Variants in BNC2 observed in about 807,000 individuals in gnomAD.
BNC2 encodes the protein basonuclin zinc finger protein 2.
In BNC2, 20 loss-of-function variants were observed where a neutral mutation model predicts 76.3. The ratio of observed to expected loss-of-function variants is 0.26; its 90% CI spans 0.18 to 0.38. The LOEUF (loss-of-function observed/expected upper bound fraction) is 0.38. Among genes scored for constraint, BNC2 ranks in the 10% least tolerant of loss-of-function variants. The pLI, the probability that BNC2 is intolerant of heterozygous loss-of-function variation, is 1.00. For missense variants in BNC2, 1,382 were observed against 1,399.8 expected, an observed-to-expected ratio of 0.99 and a Z score of 0.20; for synonymous variants, 582 against 514.8, an observed-to-expected ratio of 1.13 and a Z score of -1.77.
chr9:16,502,819 G>A (rs1822548787), intron 5 of BNC2, among the ~76,000 whole-genome samples: 2 of 152,292 alleles, frequency 1.3e-5, no homozygotes, highest in Middle Eastern at 3.4e-3. Flanking sequence ...TTGGTATACA[G>A]GCTTTTACTT....
At chr9:16,855,742 G>C (rs1396055155) in intron 1 of BNC2, among the ~76,000 whole-genome samples, 2 of 151,240 alleles carry the variant, frequency 1.3e-5, no homozygotes, top group Non-Finnish European at 2.9e-5. Flanking sequence ...TAGAGACGGG[G>C]TTTCACCATG....
chr9:16,409,814 T>C lies in BNC2; in HGVS notation c.*9175A>G, dbSNP rs1045436947. On this transcript the variant is annotated 3_prime_UTR_variant, in exon 7 of 7. Coordinates refer to ENST00000380672, the MANE Select transcript of BNC2 (RefSeq NM_017637.6). ...CAACGTCACAATGATTAGATCAGGG[T>C]GATGCACACTGTCCCATCCCTTGGT... The C allele has an allele frequency of 2.6e-5, 4 of 152,574 alleles. No individual in the cohort carries two copies. The highest frequency in any genetic ancestry group is 6.5e-5 in the Admixed American group (1 of 15,272). The allele number at this position is 152,574 out of a possible 1,614,324, so 9.5% of individuals were successfully genotyped here.
At chr9:16,740,091 G>T (rs1028508609) in intron 1 of BNC2, among the ~76,000 whole-genome samples, 2 of 152,192 alleles carry the variant, frequency 1.3e-5, no homozygotes, top group Non-Finnish European at 2.9e-5. Context: ...AAGGAACAGC[G>T]TTAACAGGAG....
intron 5 of BNC2, among the ~76,000 whole-genome samples, chr9:16,491,935 C>T (rs1822287865): frequency 6.6e-6 from 1 of 152,210 alleles, no homozygotes; most frequent in Non-Finnish European, 1.5e-5. Context: ...GGTATGCTCA[C>T]ATACTTCCGC....
intron 5 of BNC2, among the ~76,000 whole-genome samples, chr9:16,505,915 A>G (rs145036666): frequency 2.5e-4 from 38 of 152,276 alleles, no homozygotes; most frequent in African/African-American, 9.1e-4. Context: ...CATTAACCAC[A>G]TTTACAATCT....
At chr9:16,856,759 A>G (rs1252940762) in intron 1 of BNC2, among the ~76,000 whole-genome samples, 2 of 152,192 alleles carry the variant, frequency 1.3e-5, no homozygotes, top group African/African-American at 2.4e-5. Context: ...TTTCTTTTAA[A>G]TCACCATTTT....
intron 1 of BNC2, among the ~76,000 whole-genome samples, chr9:16,864,021 CTCT>C (rs1307617830): frequency 6.6e-6 from 1 of 152,152 alleles, no homozygotes; most frequent in East Asian, 1.9e-4. Context: ...AAAGGTAATT[CTCT>C]TCATCTCTAA....
chr9:16,467,465 A>T (rs1184010748), intron 5 of BNC2, among the ~76,000 whole-genome samples: 1 of 138,656 alleles, frequency 7.2e-6, no homozygotes, highest in Non-Finnish European at 1.5e-5. Flanking sequence ...GGATTAAGAA[A>T]ATGTGGCACA....
intron 5 of BNC2, among the ~76,000 whole-genome samples, chr9:16,457,149 C>T (rs1439066054): frequency 6.6e-6 from 1 of 151,900 alleles, no homozygotes; most frequent in Non-Finnish European, 1.5e-5. Context: ...CATTATATTC[C>T]AAAAATATTC....
intron 3 of BNC2, among the ~76,000 whole-genome samples, chr9:16,702,107 G>A (rs935497621): frequency 6.6e-6 from 1 of 152,144 alleles, no homozygotes; most frequent in African/African-American, 2.4e-5. Context: ...TAGGCATTCT[G>A]CAAGATTCTA....
chr9:16,721,298 G>A (rs1297921511), intron 3 of BNC2, among the ~76,000 whole-genome samples: 1 of 152,046 alleles, frequency 6.6e-6, no homozygotes, highest in Non-Finnish European at 1.5e-5. Flanking sequence ...AAAGGCTGTT[G>A]TTCCTGAATT....
intron 1 of BNC2, among the ~76,000 whole-genome samples, chr9:16,859,065 A>T (rs1239735061): frequency 2.0e-5 from 3 of 152,166 alleles, no homozygotes; most frequent in Non-Finnish European, 1.5e-5. Flanking sequence ...GTCCACAAAG[A>T]GGACATATAC....
intron 5 of BNC2, among the ~76,000 whole-genome samples, chr9:16,443,060 C>A: frequency 8.3e-6 from 1 of 120,492 alleles, no homozygotes; most frequent in Non-Finnish European, 1.6e-5. Context: ...GAGTGAGACT[C>A]TGTCAAAAAA....
intron 1 of BNC2, among the ~76,000 whole-genome samples, chr9:16,757,422 C>T (rs1025971388): frequency 6.6e-6 from 1 of 152,174 alleles, no homozygotes; most frequent in East Asian, 1.9e-4. Flanking sequence ...CAGAGATAAA[C>T]TCACTCATGC....
At chr9:16,866,895 C>T (rs368315559) in intron 1 of BNC2, among the ~76,000 whole-genome samples, 26 of 152,216 alleles carry the variant, frequency 1.7e-4, no homozygotes, top group South Asian at 6.2e-4. Flanking sequence ...GCTACCTCCC[C>T]TTCCACAAGA....
Position 16,753,997 on chromosome 9 carries a change from C to A in BNC2, c.4-15512G>T, listed in dbSNP as rs570813524. ...GTGTCACAACCAATGGGGTCCATGG[C>A]TCCAGCCCAGATGGGCTCCAGCAAA... On this transcript the variant is annotated intron_variant, in intron 1 of 6. Coordinates refer to ENST00000380672, the MANE Select transcript of BNC2 (RefSeq NM_017637.6). 1.7e-3 allele frequency among the ~76,000 whole-genome samples: 256 copies of A among 152,290 alleles called. 1 individual carries two copies. Among genetic ancestry groups the A allele is most frequent in the Middle Eastern group, 3.4e-3 (1 of 294 alleles).
Position 16,539,755 on chromosome 9 carries a change from A to G in BNC2, c.669+12775T>C, listed in dbSNP as rs187931275. On this transcript the variant is annotated intron_variant, in intron 5 of 6. Transcript: ENST00000380672. Reference sequence around the variant, plus strand: ...GAGGGAAAGGGAAGGGAAGGGAAGGAAAGGAAAGGAAAAGAAAGGAAAGGA... The same window carrying G: ...GAGGGAAAGGGAAGGGAAGGGAAGGGAAGGAAAGGAAAAGAAAGGAAAGGA... Among the ~76,000 whole-genome samples the G allele has an allele frequency of 2.9e-3, 265 of 89,898 alleles. 4 individuals carry two copies. The highest frequency in any genetic ancestry group is 6.9e-3 in the East Asian group (21 of 3,058). The allele number at this position is 89,898 out of a possible 152,430, so 59.0% of individuals were successfully genotyped here. A position where few individuals can be genotyped will look rare whatever the true frequency, so the allele number is the denominator to read the frequency against.
chr9:16,459,186 C>T (rs902087599), intron 5 of BNC2, among the ~76,000 whole-genome samples: 1 of 152,176 alleles, frequency 6.6e-6, no homozygotes, highest in Non-Finnish European at 1.5e-5. Flanking sequence ...TGTCATGAAT[C>T]GGCCTGTGTC....
intron 3 of BNC2, among the ~76,000 whole-genome samples, chr9:16,614,958 TAAAAAAAAAAAAAAAAAAAAAAAAAAAA>T (rs60545823): frequency 8.0e-5 from 5 of 62,514 alleles, no homozygotes; most frequent in African/African-American, 3.3e-4. Flanking sequence ...TCTGTCTCTT[TAAAAAAAAAAAAAAAAAAAAAAAAAAAA>T]AAAAAAAAAA....
Sources: allele counts gnomAD v4.1 joint callset (sites outside exome capture counted in the v4.1 genomes callset), GRCh38; gene constraint gnomAD v4.1.1; transcripts MANE v1.5; gene names NCBI Gene and HGNC (gene_info 2026-07-23, HGNC 2026-07-21).